The following RIC1 variants were observed in gnomAD, a reference collection of about 807,000 sequenced individuals.
The protein encoded by RIC1 is RIC1 partner of RAB6A GEF complex.
RIC1 carries 88 observed loss-of-function variants against 169.0 expected under a neutral mutation model. That is an observed-to-expected ratio of 0.52 (90% CI 0.44 to 0.62). The LOEUF (loss-of-function observed/expected upper bound fraction) is 0.62, where lower values mean the gene tolerates loss of function less well. Among genes scored for constraint, RIC1 ranks in the 20% least tolerant of loss-of-function variants. The pLI is 0.00. For missense variants in RIC1, 1,877 were observed against 1,725.5 expected (o/e 1.09, Z -1.56); for synonymous variants, 790 against 601.5 (o/e 1.31, Z -4.59).
chr9:5,694,029 C>G (rs1226813201), intron 3 of RIC1, among the ~76,000 whole-genome samples: 1 of 152,026 alleles, frequency 6.6e-6, no homozygotes, highest in African/African-American at 2.4e-5. Flanking sequence ...TCTCCTTCTC[C>G]TCTTCCCCCT....
chr9:5,755,515 T>C (rs1373850402), intron 15 of RIC1, among the ~76,000 whole-genome samples: 1 of 152,210 alleles, frequency 6.6e-6, no homozygotes, highest in Non-Finnish European at 1.5e-5. Flanking sequence ...TTTCAGACCA[T>C]GGTTGACTGT....
rs1204569159 is a variant in RIC1 at position 5,756,364 on chromosome 9, A to G, written c.1845A>G (p.Lys615=). 1.4e-6 allele frequency: 2 copies of G among 1,472,200 alleles called. No homozygotes were observed. The highest frequency in any genetic ancestry group is 3.0e-5 in the South Asian group (2 of 67,348). 91.2% of individuals were successfully genotyped at this position (1,472,200 alleles called of 1,614,324 possible). A position where few individuals can be genotyped will look rare whatever the true frequency, so the allele number is the denominator to read the frequency against. The change falls in exon 16 of 26, where the codon AAA becomes AAG. Residue 615 remains lysine (K), a synonymous_variant. Transcript: ENST00000414202. ...CSICLYSIER[K]SDGPNTTAGI... ...TATGCCTTTACAGTATTGAAAGAAA[A>G]TCTGATGGGTAAGTATCTGGCATAT...
intron 3 of RIC1, among the ~76,000 whole-genome samples, chr9:5,709,519 T>TAGG (rs763743178): frequency 5.3e-5 from 8 of 152,182 alleles, no homozygotes; most frequent in Non-Finnish European, 8.8e-5. Flanking sequence ...TCTCAAAAGA[T>TAGG]TACAAATGAT....
Position 5,770,087 on chromosome 9 carries a change from T to TG in RIC1, c.3428dup (p.Glu1144ArgfsTer10). Reference sequence around the variant, plus strand: ...TTTTGTTTTCGGACCCACTCTGCAGTGGGAGAGCAGCTGTTAAAGTCTCAA... The same window carrying TG: ...TTTTGTTTTCGGACCCACTCTGCAGTGGGGAGAGCAGCTGTTAAAGTCTCAA... On this transcript the variant is annotated frameshift_variant and splice_region_variant, in exon 23 of 26. Transcript: ENST00000414202. LOFTEE classifies it high-confidence loss of function. The TG allele has an allele frequency of 6.2e-7, 1 of 1,609,940 alleles. No homozygotes were observed. The highest frequency in any genetic ancestry group is 8.5e-7 in the Non-Finnish European group (1 of 1,177,888).
chr9:5,685,317 A>C (rs915010596), intron 2 of RIC1, among the ~76,000 whole-genome samples: 2 of 151,486 alleles, frequency 1.3e-5, no homozygotes, highest in Non-Finnish European at 2.9e-5. Flanking sequence ...CCGCATCGCC[A>C]AGTCAATCCT....
At chr9:5,721,739 TC>T (rs1430525292) in intron 6 of RIC1, among the ~76,000 whole-genome samples, 2 of 152,200 alleles carry the variant, frequency 1.3e-5, no homozygotes, top group Non-Finnish European at 2.9e-5. Flanking sequence ...AGATTTTTCC[TC>T]CTGCTAGGAA....
rs778185190 is a variant in RIC1, at chr9:5,765,526, T to C, written c.2954T>C (p.Ile985Thr). The C allele has an allele frequency of 1.9e-6, 3 of 1,614,062 alleles. No individual in the cohort carries two copies. The highest frequency in any genetic ancestry group is 1.3e-5 in the African/African-American group (1 of 74,938). Residue 985 changes from isoleucine (I) to threonine (T), a missense_variant, in exon 20 of 26, where the codon ATT becomes ACT. Coordinates refer to ENST00000414202, the MANE Select transcript of RIC1 (RefSeq NM_020829.4). ...CACATGATTCGATTTCTTAAAGCCATTGGCTCTGGAGAATCTGAGACACCT... is the reference window on the plus strand; with the variant it reads ...CACATGATTCGATTTCTTAAAGCCACTGGCTCTGGAGAATCTGAGACACCT... The part of the protein sequence containing the change: ...CRHMIRFLKA[I>T]GSGESETPPS...
At chr9:5,741,883 C>T (rs971074000) in intron 8 of RIC1, among the ~76,000 whole-genome samples, 1 of 152,072 alleles carries the variant, frequency 6.6e-6, no homozygotes, top group African/African-American at 2.4e-5. Flanking sequence ...GTGTGTGTAG[C>T]GCTTTGAGAA....
chr9:5,766,365 A>G (rs1048301571), intron 21 of RIC1, among the ~76,000 whole-genome samples: 35 of 152,010 alleles, frequency 2.3e-4, no homozygotes, highest in Admixed American at 2.0e-3. Context: ...TTTTTTTCCC[A>G]TAAGTTACTG....
chr9:5,631,552 T>G (rs1817714875), intron 1 of RIC1, among the ~76,000 whole-genome samples: 1 of 152,028 alleles, frequency 6.6e-6, no homozygotes. Flanking sequence ...CTGGGCGTGG[T>G]GGTGCACGCC....
chr9:5,682,485 C>T (rs1385744568), intron 2 of RIC1, among the ~76,000 whole-genome samples: 2 of 152,096 alleles, frequency 1.3e-5, no homozygotes, highest in Admixed American at 1.3e-4. Flanking sequence ...TGAATATTGG[C>T]CCTCACTCTC....
intron 2 of RIC1, among the ~76,000 whole-genome samples, chr9:5,677,281 G>A (rs1353076636): frequency 6.6e-6 from 1 of 152,054 alleles, no homozygotes; most frequent in Non-Finnish European, 1.5e-5. Flanking sequence ...AACTAATGAT[G>A]TTGAACATTT....
At chr9:5,772,268 A>T (rs138095680) in intron 23 of RIC1, among the ~76,000 whole-genome samples, 1 of 152,178 alleles carries the variant, frequency 6.6e-6, no homozygotes, top group African/African-American at 2.4e-5. Flanking sequence ...TATTTCCTGT[A>T]GTAGCTGAAT....
intron 2 of RIC1, among the ~76,000 whole-genome samples, chr9:5,687,208 C>T (rs1821304060): frequency 6.6e-6 from 1 of 152,062 alleles, no homozygotes. Context: ...CTGTTAGTGG[C>T]TCTTTTTTGC....
intron 2 of RIC1, among the ~76,000 whole-genome samples, chr9:5,675,901 T>G (rs1820412799): frequency 6.6e-6 from 1 of 152,232 alleles, no homozygotes; most frequent in African/African-American, 2.4e-5. Flanking sequence ...AAATTATTGA[T>G]CTTGAAACCA....
intron 2 of RIC1, among the ~76,000 whole-genome samples, chr9:5,686,054 A>G (rs1186710002): frequency 6.6e-6 from 1 of 152,000 alleles, no homozygotes; most frequent in African/African-American, 2.4e-5. Context: ...CATCAGAGAA[A>G]TGCAAATCAA....
chr9:5,738,601 C>A, intron 8 of RIC1, 63 bp downstream of exon 8: 2 of 975,038 alleles, frequency 2.1e-6, no homozygotes, highest in Non-Finnish European at 2.9e-6. Context: ...CCATTTGTAG[C>A]AGATGCTGAT....
chr9:5,748,261 T>C (rs1375260651), intron 12 of RIC1, among the ~76,000 whole-genome samples: 1 of 152,184 alleles, frequency 6.6e-6, no homozygotes, highest in Non-Finnish European at 1.5e-5. Context: ...TTTCTTTTAG[T>C]CAGTTTCTGT....
chr9:5,687,570 A>G lies in RIC1; in HGVS notation c.253-2389A>G, dbSNP rs148036384. 5.7e-3 allele frequency among the ~76,000 whole-genome samples: 869 copies of G among 151,972 alleles called. 14 individuals are homozygous for G. The highest frequency in any genetic ancestry group is 0.02 in the African/African-American group (828 of 41,456). ...TTAAAATTTCCCTTTTTCTCCTTTG[A>G]TTCATGGGTTATTTAGAAGTATGCA... On this transcript the variant is annotated intron_variant, in intron 2 of 25. Transcript: ENST00000414202.
Sources: allele counts gnomAD v4.1 joint callset (sites outside exome capture counted in the v4.1 genomes callset), GRCh38; gene constraint gnomAD v4.1.1; transcripts MANE v1.5; gene names NCBI Gene and HGNC (gene_info 2026-07-23, HGNC 2026-07-21).